The following VPS13A variants were observed in gnomAD, a reference collection of about 807,000 sequenced individuals.
VPS13A encodes intermembrane lipid transfer protein VPS13A.
In VPS13A, 264 loss-of-function variants were observed where a neutral mutation model predicts 390.9. The observed-to-expected ratio is 0.68, with a 90% confidence interval of 0.61 to 0.75. The LOEUF (loss-of-function observed/expected upper bound fraction) is 0.75. Ranked by LOEUF, VPS13A falls within the 30% of genes least tolerant of loss-of-function variation. The pLI is 0.00. For missense variants in VPS13A, 3,409 were observed against 3,733.9 expected (o/e 0.91, Z 2.27); for synonymous variants, 1,231 against 1,227.1 (o/e 1.00, Z -0.07).
intron 47 of VPS13A, 55 bp downstream of exon 47, chr9:77,337,592 T>C: frequency 1.3e-6 from 2 of 1,557,046 alleles, no homozygotes; most frequent in Non-Finnish European, 1.8e-6. Flanking sequence ...GTTTCAGTTT[T>C]TTAAGATTAA....
chr9:77,370,458 T>C lies in VPS13A; in HGVS notation c.8787T>C (p.Ala2929=). ...GAASKITGAM[A]KGVAAMTMDE... ...CCTCCAAAATCACCGGTGCTATGGC[T>C]AAGGGGGTAGCAGCTATGACCATGG... Residue 2929 remains alanine (A), a synonymous_variant, in exon 65 of 72, where the codon GCT becomes GCC. Transcript: ENST00000360280. The C allele has an allele frequency of 6.2e-7, 1 of 1,614,070 alleles. No homozygotes were observed. Among genetic ancestry groups the C allele is most frequent in the East Asian group, 2.2e-5 (1 of 44,864 alleles).
rs1835188509 is a variant in VPS13A, at chr9:77,416,971, T to A, written c.*965T>A. The A allele has an allele frequency of 6.6e-6, 1 of 152,550 alleles. No homozygotes were observed. Among genetic ancestry groups the A allele is most frequent in the Admixed American group, 6.5e-5 (1 of 15,276 alleles). The allele number at this position is 152,550 out of a possible 1,614,324, so 9.4% of individuals were successfully genotyped here. On this transcript the variant is annotated 3_prime_UTR_variant, in exon 72 of 72. Transcript: ENST00000360280. ...GTCCCGTTGCCAATAGATTGAGAAT[T>A]TCTGGTTTGCTTACTCTACAGTTAT...
chr9:77,419,411 A>G lies in VPS13A; in HGVS notation c.*3405A>G, dbSNP rs1188673483. 1 of 152,182 alleles carries G rather than the reference A, an allele frequency of 6.6e-6. No individual in the cohort carries two copies. Among genetic ancestry groups the G allele is most frequent in the African/African-American group, 2.4e-5 (1 of 41,446 alleles). 9.4% of individuals were successfully genotyped at this position (152,182 alleles called of 1,614,324 possible). ...AAAGTGTTTCCTGTTATGAAATGCAATTTAAAAAAAGAAAGCTTGAAAGAC... is the reference window on the plus strand; with the variant it reads ...AAAGTGTTTCCTGTTATGAAATGCAGTTTAAAAAAAGAAAGCTTGAAAGAC... On this transcript the variant is annotated 3_prime_UTR_variant, in exon 72 of 72. Coordinates refer to ENST00000360280, the MANE Select transcript of VPS13A (RefSeq NM_033305.3).
rs1043044388 is a variant in VPS13A, at chr9:77,192,290, A to G, written c.101-7655A>G. On this transcript the variant is annotated intron_variant, in intron 1 of 71. Transcript: ENST00000360280. ...ACATACAATTGGTTCTTGGTTCTTCATATGAATTGCCATTCTGTGCCTTTG... is the reference window on the plus strand; with the variant it reads ...ACATACAATTGGTTCTTGGTTCTTCGTATGAATTGCCATTCTGTGCCTTTG... 4.6e-5 allele frequency among the ~76,000 whole-genome samples: 7 copies of G among 152,270 alleles called. 1 individual carries two copies. The highest frequency in any genetic ancestry group is 3.4e-3 in the Middle Eastern group (1 of 294).
At chr9:77,407,010 C>G (rs1834644797) in intron 70 of VPS13A, among the ~76,000 whole-genome samples, 1 of 152,152 alleles carries the variant, frequency 6.6e-6, no homozygotes, top group Non-Finnish European at 1.5e-5. Flanking sequence ...TAGGACACAA[C>G]CTGATCTCTC....
At chr9:77,292,353 TTC>T (rs976346621) in intron 31 of VPS13A, among the ~76,000 whole-genome samples, 8 of 152,174 alleles carry the variant, frequency 5.3e-5, no homozygotes, top group African/African-American at 1.4e-4. Flanking sequence ...GGTGCTTATT[TTC>T]TCTCTCTCCC....
rs147594798 is a variant in VPS13A, at chr9:77,288,600, T to C, written c.3340-4741T>C. Among the ~76,000 whole-genome samples the C allele has an allele frequency of 4.3e-3, 653 of 152,358 alleles. 4 individuals are homozygous for C. Among genetic ancestry groups the C allele is most frequent in the South Asian group, 0.01 (49 of 4,832 alleles). On this transcript the variant is annotated intron_variant, in intron 31 of 71. Transcript: ENST00000360280. ...CAGATCCCTTTCTGTTACTGATTTC[T>C]AGTTTAAATTCATTATGGTCAGGGG...
rs1178473943 is a variant in VPS13A, at chr9:77,209,413, G to T, written c.386-10G>T. On this transcript the variant is annotated splice_polypyrimidine_tract_variant and intron_variant, in intron 5 of 71. Transcript: ENST00000360280. ...ATTCAATTTTAAAAAAGGAATATTT[G>T]CAATTGTAGAACAACATCTGCCGGA... is the stretch of plus-strand genomic sequence containing the variant. 3 of 1,576,072 alleles carry T rather than the reference G, an allele frequency of 1.9e-6. No homozygotes were observed. The South Asian group carries it at 3.3e-5, about 18-fold the overall frequency.
intron 22 of VPS13A, among the ~76,000 whole-genome samples, chr9:77,253,622 A>G (rs1342242521): frequency 6.6e-6 from 1 of 152,060 alleles, no homozygotes; most frequent in Non-Finnish European, 1.5e-5. Context: ...GAGAGTTTTA[A>G]AATATATTTT....
chr9:77,374,560 G>C (rs745637538), intron 67 of VPS13A, among the ~76,000 whole-genome samples: 1 of 151,996 alleles, frequency 6.6e-6, no homozygotes, highest in Non-Finnish European at 1.5e-5. Flanking sequence ...TAAAATGTAG[G>C]GATTGTTTAT....
chr9:77,281,051 G>C (rs746687598), intron 27 of VPS13A, among the ~76,000 whole-genome samples: 2 of 151,110 alleles, frequency 1.3e-5, no homozygotes, highest in Non-Finnish European at 3.0e-5. Context: ...AATACCTCAT[G>C]ATCTTCTTTA....
intron 52 of VPS13A, among the ~76,000 whole-genome samples, chr9:77,346,281 C>CT (rs975161527): frequency 2.0e-5 from 3 of 152,008 alleles, no homozygotes; most frequent in Admixed American, 2.0e-4. Flanking sequence ...TGCTGAGCTT[C>CT]TTTTTATATG....
chr9:77,237,014 C>T (rs760787035), intron 17 of VPS13A, among the ~76,000 whole-genome samples: 39 of 152,154 alleles, frequency 2.6e-4, no homozygotes, highest in Admixed American at 1.8e-3. Context: ...CTCAGGCTCC[C>T]GAGTAGCTGG....
chr9:77,338,962 A>G (rs1250302224), intron 47 of VPS13A: 1 of 157,736 alleles, frequency 6.3e-6, no homozygotes, highest in Non-Finnish European at 1.4e-5. Context: ...TTAAACTGAG[A>G]CGTCATATAG....
chr9:77,232,807 G>T (rs890439291), intron 17 of VPS13A, among the ~76,000 whole-genome samples: 3 of 152,074 alleles, frequency 2.0e-5, no homozygotes, highest in South Asian at 2.1e-4. Context: ...CTCCCATCAG[G>T]TCTCTCCCAC....
In VPS13A at chr9:77,237,990, T is replaced by C. The variant is rs1824253687; in HGVS notation, c.1596-12T>C. 6.3e-7 allele frequency: 1 copy of C among 1,583,226 alleles called. No individual in the cohort carries two copies. On this transcript the variant is annotated splice_polypyrimidine_tract_variant and intron_variant, in intron 17 of 71. Coordinates refer to ENST00000360280, the MANE Select transcript of VPS13A (RefSeq NM_033305.3). ...ACTGATCGCTGACTTTTTTCTTTTT[T>C]TTTTAATGCAGATTTGAAACTAAAA...
chr9:77,411,687 G>T (rs867690088), intron 71 of VPS13A, among the ~76,000 whole-genome samples: 2 of 85,208 alleles, frequency 2.3e-5, no homozygotes, highest in Admixed American at 2.4e-4. Flanking sequence ...AAAAAAAAAG[G>T]AACTAGAGAA....
In VPS13A at chr9:77,359,416, T is replaced by TAC; in HGVS notation, c.8105+16_8105+17dup. ...ATCACGTATTAAGTAAGTGTCTTAA[T>TAC]ACATTTCTTGTATATTTATTTAATG... On this transcript the variant is annotated intron_variant, in intron 58 of 71. Coordinates refer to ENST00000360280, the MANE Select transcript of VPS13A (RefSeq NM_033305.3). The TAC allele has an allele frequency of 6.3e-7, 1 of 1,595,510 alleles. No individual in the cohort carries two copies. The highest frequency in any genetic ancestry group is 8.6e-7 in the Non-Finnish European group (1 of 1,164,514).
rs140476942 is a variant in VPS13A at position 77,340,389 on chromosome 9, A to AT, written c.6880-6dup. 320,314 of 1,606,848 alleles carry AT rather than the reference A, an allele frequency of 0.2. 32,537 individuals carry two copies. Among genetic ancestry groups the AT allele is most frequent in the African/African-American group, 0.24 (18,064 of 74,650 alleles). On this transcript the variant is annotated splice_polypyrimidine_tract_variant and intron_variant, in intron 49 of 71. Transcript: ENST00000360280. Reference sequence around the variant, plus strand: ...ATACATAACAGTTTTTGAGCTGTTAATTTTTTTTTCTTAGGTTGGTGTCAC... The same window carrying AT: ...ATACATAACAGTTTTTGAGCTGTTAATTTTTTTTTTCTTAGGTTGGTGTCAC...
Sources: allele counts gnomAD v4.1 joint callset (sites outside exome capture counted in the v4.1 genomes callset), GRCh38; gene constraint gnomAD v4.1.1; transcripts MANE v1.5; gene names NCBI Gene and HGNC (gene_info 2026-07-23, HGNC 2026-07-21).